The following SPTBN5 variants were observed in gnomAD, a reference collection of about 807,000 sequenced individuals.
The protein encoded by SPTBN5 is spectrin beta, non-erythrocytic 5.
In SPTBN5, 513 loss-of-function variants were observed where a neutral mutation model predicts 477.6. That is an observed-to-expected ratio of 1.07 (90% CI 1.00 to 1.16). The LOEUF (loss-of-function observed/expected upper bound fraction) is 1.16, where lower values mean the gene tolerates loss of function less well. Ranked by LOEUF, SPTBN5 falls within the 50% of genes most tolerant of loss-of-function variation. SPTBN5 has a pLI of 0.00. For synonymous variants in SPTBN5, 2,169 were observed against 2,011.7 expected (o/e 1.08, Z -2.09); for missense variants, 5,062 against 4,731.8 (o/e 1.07, Z -2.05).
chr15:41,863,613 G>C (rs901505860), intron 41 of SPTBN5, 91 bp downstream of exon 41: 5 of 997,258 alleles, frequency 5.0e-6, no homozygotes, highest in East Asian at 4.8e-5. Flanking sequence ...AGGCCAGTGA[G>C]GGGGGAGACG....
chr15:41,877,468 G>T, intron 17 of SPTBN5, 112 bp from the exon 18 acceptor site: 1 of 1,416,734 alleles, frequency 7.1e-7, no homozygotes, highest in African/African-American at 1.4e-5. Context: ...GACACTGAAT[G>T]TGATAGGCCC....
chr15:41,878,864 G>A (rs1025317210), intron 16 of SPTBN5, among the ~76,000 whole-genome samples: 1 of 152,148 alleles, frequency 6.6e-6, no homozygotes, highest in African/African-American at 2.4e-5. Flanking sequence ...TCAGGAGATC[G>A]AGACCATCCC....
At chr15:41,877,908 A>G (rs1348013445) in intron 17 of SPTBN5, among the ~76,000 whole-genome samples, 1 of 152,098 alleles carries the variant, frequency 6.6e-6, no homozygotes, top group Admixed American at 6.5e-5. Context: ...CCATAACGTC[A>G]TCCCTGCAGG....
At chr15:41,855,900 C>T (rs866649811) in intron 53 of SPTBN5, among the ~76,000 whole-genome samples, 155 bp from the exon 54 acceptor site, 4 of 152,360 alleles carry the variant, frequency 2.6e-5, no homozygotes, top group African/African-American at 4.8e-5. Flanking sequence ...TCATCTGGTC[C>T]GGAACACAGC....
At chr15:41,872,099 G>A (rs1270293910) in intron 27 of SPTBN5, among the ~76,000 whole-genome samples, 182 bp from the exon 28 acceptor site, 1 of 152,246 alleles carries the variant, frequency 6.6e-6, no homozygotes, top group African/African-American at 2.4e-5. Context: ...GGAGGGTGTG[G>A]ACGTGGGGAG....
Position 41,876,618 on chromosome 15 carries a change from G to A in SPTBN5, c.3881C>T (p.Ala1294Val), listed in dbSNP as rs1233949207. The A allele has an allele frequency of 1.3e-6, 2 of 1,590,500 alleles. No homozygotes were observed. Among genetic ancestry groups the A allele is most frequent in the South Asian group, 2.2e-5 (2 of 89,230 alleles). The change falls in exon 20 of 68, where the codon GCA (alanine) becomes GTA (valine). Residue 1294 changes from alanine (A) to valine (V), a missense_variant. Physicochemically the swap from Ala to Val is moderately conservative, Grantham distance 64 (BLOSUM62 0). Coordinates refer to ENST00000320955, the MANE Select transcript of SPTBN5 (RefSeq NM_016642.4). ...TVREQLQSIQ[A>V]QWTRLQGRSE... ...CCTCCCCTGGAGCCTGGTCCACTGTGCCTGGATACTCTGCAGCTGCTCTCT... is the reference window on the plus strand; with the variant it reads ...CCTCCCCTGGAGCCTGGTCCACTGTACCTGGATACTCTGCAGCTGCTCTCT...
chr15:41,854,807 T>C lies in SPTBN5; in HGVS notation c.9593A>G (p.Asp3198Gly), dbSNP rs1368959378. 1 of 1,568,402 alleles carries C rather than the reference T, an allele frequency of 6.4e-7. No individual in the cohort carries two copies. Among genetic ancestry groups the C allele is most frequent in the South Asian group, 1.2e-5 (1 of 84,486 alleles). ...CTCTGTGCGGGCTTTTATTGCTTGG[T>C]CCAACCTCTCCCAAGCAGCCTCAAT... ...SRIEAAWERL[D>G]QAIKARTENL... Residue 3198 changes from aspartate (D) to glycine (G), a missense_variant, in exon 56 of 68, where the codon GAC (aspartate) becomes GGC (glycine). Coordinates refer to ENST00000320955, the MANE Select transcript of SPTBN5 (RefSeq NM_016642.4).
intron 45 of SPTBN5, 54 bp downstream of exon 45, chr15:41,861,681 C>G: frequency 6.6e-7 from 1 of 1,512,950 alleles, no homozygotes; most frequent in Non-Finnish European, 8.8e-7. Flanking sequence ...GTGGGGTCAG[C>G]GCAGGCCCTG....
At chr15:41,852,560 G>A (rs2065800655) in intron 61 of SPTBN5, 74 bp downstream of exon 61, 1 of 1,481,214 alleles carries the variant, frequency 6.8e-7, no homozygotes, top group Non-Finnish European at 9.4e-7. Flanking sequence ...CAGTGCCCTG[G>A]GAGACACTGA....
At chr15:41,871,652 G>T in intron 28 of SPTBN5, 130 bp downstream of exon 28, 1 of 1,416,876 alleles carries the variant, frequency 7.1e-7, no homozygotes, top group South Asian at 1.5e-5. Flanking sequence ...CCGCTCCACT[G>T]AGGAGGCCCC....
Position 41,852,651 on chromosome 15 carries a change from G to A in SPTBN5, c.10432C>T (p.Gln3478Ter), listed in dbSNP as rs748369698. ...GTCGTCACCTCTGTCTTTTGCATTT[G>A]GGCAAACTTCTCTTCCTGGGCTGCC... ...LLAAQEEKFA[Q>*]MQKTEMEQEL... The change falls in exon 61 of 68, where the codon CAA becomes TAA. Residue 3478 changes from glutamine (Q) to a stop codon, truncating the protein, a stop_gained. Coordinates refer to ENST00000320955, the MANE Select transcript of SPTBN5 (RefSeq NM_016642.4). LOFTEE classifies it high-confidence loss of function. The A allele has an allele frequency of 1.9e-6, 3 of 1,613,558 alleles. No individual in the cohort carries two copies. In the South Asian group the frequency reaches 3.3e-5, roughly 18 times the overall value.
In SPTBN5 at chr15:41,868,202, C is replaced by T. The variant is rs1469471538; in HGVS notation, c.6074G>A (p.Arg2025Gln). 7.0e-6 allele frequency: 11 copies of T among 1,580,560 alleles called. No homozygotes were observed. Among genetic ancestry groups the T allele is most frequent in the Non-Finnish European group, 9.5e-6 (11 of 1,163,470 alleles). ...TPTKEVQEEL[R>Q]ALQDQRDQVY... ...CTGGTCCCGCTGGTCCTGCAGGGCTCGAAGCTCTTCCTGGACCTGGGGATG... is the reference window on the plus strand; with the variant it reads ...CTGGTCCCGCTGGTCCTGCAGGGCTTGAAGCTCTTCCTGGACCTGGGGATG... The change falls in exon 34 of 68, where the codon CGA becomes CAA. Residue 2025 changes from arginine (R) to glutamine (Q), a missense_variant. Arg to Gln is a conservative substitution (Grantham distance 43, BLOSUM62 1). Coordinates refer to ENST00000320955, the MANE Select transcript of SPTBN5 (RefSeq NM_016642.4).
In SPTBN5 at chr15:41,880,315, G is replaced by C. The variant is rs765504906; in HGVS notation, c.2659-3C>G. ...TCCTCCAACCGGGCCCTGCGGAGCTGGGGAGAGGTGGCCCAAGGCTGGGGT... is the reference window on the plus strand; with the variant it reads ...TCCTCCAACCGGGCCCTGCGGAGCTCGGGAGAGGTGGCCCAAGGCTGGGGT... On this transcript the variant is annotated splice_polypyrimidine_tract_variant and splice_region_variant and intron_variant, in intron 13 of 67. Transcript: ENST00000320955. 1.3e-5 allele frequency: 21 copies of C among 1,596,464 alleles called. No homozygotes were observed. The African/African-American group carries it at 2.4e-4, about 18-fold the overall frequency.
At chr15:41,850,693 C>G (rs2065723042) in intron 66 of SPTBN5, 161 bp downstream of exon 66, 1 of 677,502 alleles carries the variant, frequency 1.5e-6, no homozygotes. Flanking sequence ...CGTAACCTCT[C>G]CAGGACCTAA....
chr15:41,871,899 C>T lies in SPTBN5; in HGVS notation c.5184G>A (p.Gly1728=), dbSNP rs367655667. Residue 1728 remains glycine, a synonymous_variant, in exon 28 of 68, where the codon GGG becomes GGA. Transcript: ENST00000320955. The part of the protein sequence containing the change: ...LAATRDRELE[G]TLRLHEFLRE... ...TCAGGAACTCATGCAGCCTCAGGGT[C>T]CCCTCCAGTTCCCGGTCCCTGTGGT... The T allele has an allele frequency of 4.4e-6, 7 of 1,582,830 alleles. No individual in the cohort carries two copies. The highest frequency in any genetic ancestry group is 6.0e-6 in the Non-Finnish European group (7 of 1,163,746).
rs201689734 is a variant in SPTBN5 at position 41,868,539 on chromosome 15, C to G, written c.5916G>C (p.Ser1972=). The stretch of plus-strand genomic sequence containing the variant: ...TCAGCGGGCCACTGCTAGGCTCTTG[C>G]GAACTCTCCTCCACCTGCAGGTCCT... ...VRQDLQVEES[S]QEPSSGPLKL... Residue 1972 remains serine (S), a synonymous_variant, in exon 33 of 68, where the codon TCG becomes TCC. Transcript: ENST00000320955. 1 of 1,606,434 alleles carries G rather than the reference C, an allele frequency of 6.2e-7. No homozygotes were observed. The highest frequency in any genetic ancestry group is 8.5e-7 in the Non-Finnish European group (1 of 1,179,678).
Position 41,853,793 on chromosome 15 carries a change from A to G in SPTBN5, c.9775-6T>C, listed in dbSNP as rs1177132847. ...TCCATAGCTTCCAGCTCTCTCTGCA[A>G]CCAGAGCATGAGATCAGGCCTCAGT... On this transcript the variant is annotated splice_polypyrimidine_tract_variant and splice_region_variant and intron_variant, in intron 57 of 67. Transcript: ENST00000320955. The G allele has an allele frequency of 6.4e-7, 1 of 1,554,070 alleles. No homozygotes were observed. The highest frequency in any genetic ancestry group is 1.9e-5 in the Admixed American group (1 of 52,444).
At chr15:41,858,420 G>A (rs372764829) in intron 49 of SPTBN5, among the ~76,000 whole-genome samples, 182 bp downstream of exon 49, 5 of 152,300 alleles carry the variant, frequency 3.3e-5, no homozygotes, top group African/African-American at 4.8e-5. Context: ...CCCCCTGCCC[G>A]CCGGAAAGCA....
Position 41,857,008 on chromosome 15 carries a change from G to T in SPTBN5, c.8653C>A (p.Arg2885Ser). The T allele has an allele frequency of 1.2e-6, 2 of 1,605,134 alleles. No homozygotes were observed. The highest frequency in any genetic ancestry group is 1.1e-5 in the South Asian group (1 of 89,494). ...FKSLREPLQE[R>S]RTALEARSLL... ...CTCCGGGCCTCCAGGGCCGTCCTGC[G>T]CTCCTGCAGGGGCTCCCTCAGGCTC... is the stretch of plus-strand genomic sequence containing the variant. Residue 2885 changes from arginine (R) to serine (S), a missense_variant, in exon 52 of 68, where the codon CGC becomes AGC. By Grantham distance (110) the Arg-to-Ser change is moderately radical (BLOSUM62 -1). Transcript: ENST00000320955.
Sources: allele counts gnomAD v4.1 joint callset (sites outside exome capture counted in the v4.1 genomes callset), GRCh38; gene constraint gnomAD v4.1.1; transcripts MANE v1.5; gene names NCBI Gene and HGNC (gene_info 2026-07-23, HGNC 2026-07-21).